Variants in USP25 observed in about 807,000 individuals in gnomAD.
USP25 encodes ubiquitin specific peptidase 25.
USP25 carries 85 observed loss-of-function variants against 158.5 expected under a neutral mutation model. The ratio of observed to expected loss-of-function variants is 0.54; its 90% CI spans 0.45 to 0.64. The LOEUF (loss-of-function observed/expected upper bound fraction) is 0.64, where lower values mean the gene tolerates loss of function less well. Among genes scored for constraint, USP25 ranks in the 30% least tolerant of loss-of-function variants. The pLI is 0.00. For synonymous variants in USP25, 464 were observed against 460.4 expected, an observed-to-expected ratio of 1.01 and a Z score of -0.10; for missense variants, 1,242 against 1,327.3, an observed-to-expected ratio of 0.94 and a Z score of 1.00.
chr21:15,778,454 A>G (rs2034783025), intron 4 of USP25, among the ~76,000 whole-genome samples: 1 of 152,126 alleles, frequency 6.6e-6, no homozygotes, highest in Non-Finnish European at 1.5e-5. Context: ...AAAAGCAGCT[A>G]TAGCTGATAA....
chr21:15,809,461 G>A (rs9976815), intron 8 of USP25, among the ~76,000 whole-genome samples: 29,524 of 151,830 alleles, frequency 0.19, 4,618 homozygotes, highest in African/African-American at 0.44. Flanking sequence ...GAAAAAAAAC[G>A]AAACACCCCC....
At chr21:15,758,681 G>A (rs2033543528) in intron 1 of USP25, among the ~76,000 whole-genome samples, 1 of 152,142 alleles carries the variant, frequency 6.6e-6, no homozygotes, top group Admixed American at 6.5e-5. Flanking sequence ...ATATTTAATA[G>A]ACTCACAGTT....
intron 7 of USP25, among the ~76,000 whole-genome samples, chr21:15,806,831 T>G (rs2036416503): frequency 6.6e-6 from 1 of 152,226 alleles, no homozygotes. Context: ...ATCTTCTTCC[T>G]AAATATTTCA....
chr21:15,792,203 A>G, intron 5 of USP25, among the ~76,000 whole-genome samples: 1 of 151,572 alleles, frequency 6.6e-6, no homozygotes, highest in Non-Finnish European at 1.5e-5. Flanking sequence ...TTTTTTACTA[A>G]GAAATCCCTT....
chr21:15,776,188 T>C (rs1055018549), intron 3 of USP25, among the ~76,000 whole-genome samples: 25 of 152,308 alleles, frequency 1.6e-4, no homozygotes, highest in African/African-American at 6.0e-4. Context: ...GTAACCAGAC[T>C]TGTAAAACCT....
chr21:15,829,566 G>A (rs887434179), intron 14 of USP25, among the ~76,000 whole-genome samples: 18 of 152,188 alleles, frequency 1.2e-4, no homozygotes, highest in African/African-American at 4.3e-4. Flanking sequence ...TTAGCTTCGA[G>A]TGAAGTTGGA....
chr21:15,753,897 G>A (rs541042675), intron 1 of USP25, among the ~76,000 whole-genome samples: 1 of 152,132 alleles, frequency 6.6e-6, no homozygotes, highest in African/African-American at 2.4e-5. Context: ...TACAAAAAGT[G>A]ATAGGGGTTT....
At chr21:15,869,017 C>G (rs973516914) in intron 22 of USP25, among the ~76,000 whole-genome samples, 3 of 152,092 alleles carry the variant, frequency 2.0e-5, no homozygotes, top group Admixed American at 2.0e-4. Flanking sequence ...AATCAAGGCA[C>G]AGGGAGTTGT....
intron 5 of USP25, among the ~76,000 whole-genome samples, chr21:15,793,276 C>T (rs1277507031): frequency 6.6e-6 from 1 of 151,420 alleles, no homozygotes; most frequent in Non-Finnish European, 1.5e-5. Context: ...TTTCTCTATC[C>T]TGTATGTGTA....
At chr21:15,871,528 G>A (rs1179916117) in intron 23 of USP25, among the ~76,000 whole-genome samples, 1 of 152,024 alleles carries the variant, frequency 6.6e-6, no homozygotes, top group Non-Finnish European at 1.5e-5. Flanking sequence ...TAGAGACCTC[G>A]TATTCTTGTA....
At chr21:15,791,754 A>G (rs1040379698) in intron 5 of USP25, 90 bp downstream of exon 5, 25 of 1,310,614 alleles carry the variant, frequency 1.9e-5, no homozygotes, top group South Asian at 7.0e-5. Flanking sequence ...TACTTTAAAG[A>G]TAAGTACAGA....
intron 9 of USP25, among the ~76,000 whole-genome samples, chr21:15,817,607 G>A (rs1409814396): frequency 6.6e-6 from 1 of 152,070 alleles, no homozygotes; most frequent in African/African-American, 2.4e-5. Context: ...CATGGCTGGG[G>A]AGGCCTAACA....
At chr21:15,824,239 T>G in intron 11 of USP25, 73 bp downstream of exon 11, 1 of 1,541,692 alleles carries the variant, frequency 6.5e-7, no homozygotes. Flanking sequence ...TAGAGGAAAA[T>G]TCTGCATAAT....
At chr21:15,855,292 G>C (rs547732097) in intron 20 of USP25, among the ~76,000 whole-genome samples, 123 of 151,994 alleles carry the variant, frequency 8.1e-4, no homozygotes, top group Non-Finnish European at 1.6e-3. Flanking sequence ...CCTACTTGCC[G>C]TAACTTTATC....
Position 15,833,562 on chromosome 21 carries a change from T to A in USP25, c.2194+14T>A. 6.2e-7 allele frequency: 1 copy of A among 1,603,658 alleles called. No homozygotes were observed. Among genetic ancestry groups the A allele is most frequent in the East Asian group, 2.2e-5 (1 of 44,666 alleles). On this transcript the variant is annotated intron_variant, in intron 17 of 25. Coordinates refer to ENST00000400183, the MANE Select transcript of USP25 (RefSeq NM_001283041.3). Reference sequence around the variant, plus strand: ...CTGTGACAACAGGTTTGTCCATTTTTATTAAGTTGTGTTTGATTATCAATA... The same window carrying A: ...CTGTGACAACAGGTTTGTCCATTTTAATTAAGTTGTGTTTGATTATCAATA...
chr21:15,805,905 C>A (rs1157830300), intron 7 of USP25, among the ~76,000 whole-genome samples: 1 of 152,154 alleles, frequency 6.6e-6, no homozygotes, highest in East Asian at 1.9e-4. Flanking sequence ...ACTAAGCTTG[C>A]AGCGTTGTTT....
chr21:15,812,650 CAA>C (rs557050769), intron 9 of USP25, among the ~76,000 whole-genome samples: 8 of 107,196 alleles, frequency 7.5e-5, no homozygotes, highest in African/African-American at 1.6e-4. Flanking sequence ...GACTCCGTCT[CAA>C]AAAAAAAAAA....
intron 22 of USP25, among the ~76,000 whole-genome samples, chr21:15,867,862 T>TTAACAAAGACATTAACAAAAAA (rs2039724857): frequency 6.6e-6 from 1 of 152,150 alleles, no homozygotes; most frequent in Non-Finnish European, 1.5e-5. Context: ...AACAAAGACC[T>TTAACAAAGACATTAACAAAAAA]AAATAAATGG....
intron 17 of USP25, among the ~76,000 whole-genome samples, chr21:15,841,310 G>A (rs566753227): frequency 2.6e-5 from 4 of 151,878 alleles, no homozygotes; most frequent in Non-Finnish European, 1.5e-5. Context: ...TTTTCATGTT[G>A]CTCTACTGCC....
Sources: gnomAD v4.1 joint callset for allele counts (sites outside exome capture counted in the v4.1 genomes callset) on GRCh38, gnomAD v4.1.1 for gene constraint, MANE v1.5 for transcripts, NCBI Gene and HGNC (gene_info 2026-07-23, HGNC 2026-07-21) for gene names.